Variants in CSMD2 observed in about 807,000 individuals in gnomAD.
CSMD2 encodes CUB and sushi domain-containing protein 2.
CSMD2 carries 130 observed loss-of-function variants against 398.5 expected under a neutral mutation model. That is an observed-to-expected ratio of 0.33 (90% CI 0.28 to 0.38). The LOEUF (loss-of-function observed/expected upper bound fraction) is 0.38. CSMD2 is among the 10% of genes least tolerant of loss of function. The probability of loss-of-function intolerance (pLI) is 1.00; values close to 1 mark genes in which losing one functional copy is unlikely to be tolerated. For missense variants in CSMD2, 3,829 were observed against 4,764.9 expected (o/e 0.80, Z 5.78); for synonymous variants, 1,828 against 1,908.5 (o/e 0.96, Z 1.10).
chr1:33,577,247 T>G, intron 49 of CSMD2, 49 bp downstream of exon 49: 77 of 1,518,134 alleles, frequency 5.1e-5, no homozygotes, highest in Non-Finnish European at 6.2e-5. Context: ...ACCCAAGATA[T>G]GAGTTGGATC....
At chr1:34,009,731 C>G (rs1647184647) in intron 3 of CSMD2, among the ~76,000 whole-genome samples, 1 of 152,148 alleles carries the variant, frequency 6.6e-6, no homozygotes, top group South Asian at 2.1e-4. Flanking sequence ...CTGCTGACTT[C>G]TTGGACATTC....
chr1:33,693,153 C>T, intron 24 of CSMD2, 97 bp from the exon 25 acceptor site: 1 of 1,369,894 alleles, frequency 7.3e-7, no homozygotes, highest in Non-Finnish European at 9.7e-7. Context: ...TGAGTCCCTT[C>T]CCTCTCCCAT....
At chr1:33,812,564 T>C (rs1389203863) in intron 9 of CSMD2, among the ~76,000 whole-genome samples, 1 of 152,270 alleles carries the variant, frequency 6.6e-6, no homozygotes, top group Non-Finnish European at 1.5e-5. Context: ...CAATGTGGCA[T>C]GGTTAAAGCG....
At chr1:33,874,469 C>T (rs1475965704) in intron 5 of CSMD2, among the ~76,000 whole-genome samples, 2 of 152,184 alleles carry the variant, frequency 1.3e-5, no homozygotes, top group African/African-American at 2.4e-5. Context: ...TCCTGTGTCT[C>T]CCTTCTCTCA....
At chr1:33,974,687 C>T (rs937804974) in intron 3 of CSMD2, among the ~76,000 whole-genome samples, 43 of 152,072 alleles carry the variant, frequency 2.8e-4, no homozygotes, top group African/African-American at 8.7e-4. Flanking sequence ...GCACAGGGCT[C>T]GACACAAAGC....
intron 15 of CSMD2, among the ~76,000 whole-genome samples, chr1:33,738,592 G>A (rs777085405): frequency 1.3e-5 from 2 of 152,330 alleles, no homozygotes; most frequent in South Asian, 4.1e-4. Context: ...ATCATCAGCC[G>A]TGTGCCTGCT....
At chr1:34,022,187 G>A (rs1254761649) in intron 3 of CSMD2, among the ~76,000 whole-genome samples, 6 of 152,178 alleles carry the variant, frequency 3.9e-5, no homozygotes, top group African/African-American at 1.4e-4. Context: ...AGGCACAACT[G>A]TGAAGAGTGA....
chr1:33,625,355 C>G (rs898467206), intron 33 of CSMD2, 101 bp from the exon 34 acceptor site: 70 of 1,153,572 alleles, frequency 6.1e-5, no homozygotes, highest in Non-Finnish European at 1.5e-5. Flanking sequence ...TGGATGAAAC[C>G]CTGGGAGGCT....
chr1:34,006,355 A>G (rs1420816550), intron 3 of CSMD2, among the ~76,000 whole-genome samples: 1 of 152,084 alleles, frequency 6.6e-6, no homozygotes, highest in East Asian at 1.9e-4. Context: ...TGCTTCTATT[A>G]TTCCAGGAGC....
chr1:34,040,319 C>T (rs1041689316), intron 2 of CSMD2, among the ~76,000 whole-genome samples: 4 of 152,106 alleles, frequency 2.6e-5, no homozygotes, highest in Non-Finnish European at 4.4e-5. Context: ...TCAACAAAGT[C>T]CCAAGATGTC....
intron 46 of CSMD2, among the ~76,000 whole-genome samples, chr1:33,585,197 T>C (rs947764401): frequency 2.0e-5 from 3 of 152,246 alleles, no homozygotes; most frequent in African/African-American, 7.2e-5. Flanking sequence ...TTGCAGTAGA[T>C]GTGCCTTTAG....
chr1:34,052,537 G>GTGTGTA (rs1411829723), intron 2 of CSMD2, among the ~76,000 whole-genome samples: 1 of 149,168 alleles, frequency 6.7e-6, no homozygotes, highest in African/African-American at 2.5e-5. Context: ...GTGTAAGAAA[G>GTGTGTA]AGAAAGAGGA....
intron 3 of CSMD2, among the ~76,000 whole-genome samples, chr1:33,999,666 A>G (rs1448538631): frequency 1.3e-5 from 2 of 152,148 alleles, no homozygotes; most frequent in African/African-American, 4.8e-5. Context: ...TGCTAGGATT[A>G]CAGATACATA....
At chr1:33,860,808 C>A (rs1321626) in intron 5 of CSMD2, 1 of 152,182 alleles carries the variant, frequency 6.6e-6, no homozygotes, top group Non-Finnish European at 1.5e-5. Flanking sequence ...TCACAGTCTC[C>A]GAGGCGGAAG....
intron 4 of CSMD2, among the ~76,000 whole-genome samples, chr1:33,922,737 C>A (rs1253940482): frequency 6.6e-6 from 1 of 152,082 alleles, no homozygotes; most frequent in East Asian, 1.9e-4. Flanking sequence ...ACCCCCACAT[C>A]CAGCCAGGGA....
chr1:33,587,058 C>T, intron 45 of CSMD2, 30 bp downstream of exon 45: 1 of 1,553,936 alleles, frequency 6.4e-7, no homozygotes, highest in Non-Finnish European at 8.8e-7. Flanking sequence ...GTCCTGGGTT[C>T]ACAGTCCTTG....
intron 65 of CSMD2, among the ~76,000 whole-genome samples, chr1:33,526,604 G>A (rs757269454): frequency 3.3e-5 from 5 of 152,200 alleles, no homozygotes; most frequent in African/African-American, 4.8e-5. Flanking sequence ...CTTAAGAGGC[G>A]AAGCTCATTC....
At chr1:33,892,092 TCAA>T (rs576793056) in intron 5 of CSMD2, among the ~76,000 whole-genome samples, 1,897 of 148,676 alleles carry the variant, frequency 0.013, 13 homozygotes, top group Non-Finnish European at 0.018. Flanking sequence ...AAAGACACCA[TCAA>T]AAAAAAAATG....
rs748407640 is a variant in CSMD2 at position 33,625,152 on chromosome 1, T to G, written c.5399A>C (p.Glu1800Ala). The G allele has an allele frequency of 6.2e-7, 1 of 1,611,902 alleles. No homozygotes were observed. The highest frequency in any genetic ancestry group is 1.1e-5 in the South Asian group (1 of 90,986). Residue 1800 changes from glutamate (E) to alanine (A), a missense_variant, in exon 34 of 71, where the codon GAA (glutamate) becomes GCA (alanine). Physicochemically the swap from Glu to Ala is moderately radical, Grantham distance 107. Coordinates refer to ENST00000373381, the MANE Select transcript of CSMD2 (RefSeq NM_001281956.2). ...CTGCAGGGCATAGCCGGAGTTGCATTCGAAGCGGACGATGGCCCCCACCGA... is the reference window on the plus strand; with the variant it reads ...CTGCAGGGCATAGCCGGAGTTGCATGCGAAGCGGACGATGGCCCCCACCGA... ...DFSVGAIVRFECNSGYALQGS... is the reference protein window; with the variant it reads ...DFSVGAIVRFACNSGYALQGS...
Sources: gnomAD v4.1 joint callset for allele counts (sites outside exome capture counted in the v4.1 genomes callset) on GRCh38, gnomAD v4.1.1 for gene constraint, MANE v1.5 for transcripts, NCBI Gene and HGNC (gene_info 2026-07-23, HGNC 2026-07-21) for gene names.